The following LCOR variants were observed in gnomAD, a reference collection of about 807,000 sequenced individuals.
The protein encoded by LCOR is ligand-dependent corepressor.
Under a neutral mutation model 64.4 loss-of-function variants are expected in LCOR, and 14 were observed. The ratio of observed to expected loss-of-function variants is 0.22; its 90% confidence interval spans 0.14 to 0.34. The LOEUF (loss-of-function observed/expected upper bound fraction) is 0.34. LCOR is among the 10% of genes least tolerant of loss of function. The probability of loss-of-function intolerance (pLI) is 1.00; values close to 1 mark genes in which losing one functional copy is unlikely to be tolerated. For synonymous variants in LCOR, 643 were observed against 642.5 expected (o/e 1.00, Z -0.01); for missense variants, 1,686 against 1,765.3 (o/e 0.96, Z 0.80).
intron 2 of LCOR, among the ~76,000 whole-genome samples, chr10:96,893,394 C>G (rs1846479846): frequency 6.6e-6 from 1 of 152,108 alleles, no homozygotes; most frequent in African/African-American, 2.4e-5. Flanking sequence ...AGATACTATT[C>G]TAAATAATTT....
chr10:96,907,706 G>T lies in LCOR; in HGVS notation c.-225G>T. Reference sequence around the variant, plus strand: ...AAGCATTTCTGATTGGACTTTTGATGAAAACTGTTTATTCTGTTGCTTGAG... The same window carrying T: ...AAGCATTTCTGATTGGACTTTTGATTAAAACTGTTTATTCTGTTGCTTGAG... On this transcript the variant is annotated 5_prime_UTR_variant, in exon 4 of 8. It removes an upstream start codon present in the reference 5' UTR. Transcript: ENST00000421806. The T allele has an allele frequency of 1.0e-6, 1 of 984,754 alleles. No homozygotes were observed. The highest frequency in any genetic ancestry group is 1.2e-6 in the Non-Finnish European group (1 of 828,988). 61.0% of individuals were successfully genotyped at this position (984,754 alleles called of 1,614,324 possible).
chr10:96,832,440 C>A, intron 1 of LCOR, 41 bp downstream of exon 1: 1 of 834,368 alleles, frequency 1.2e-6, no homozygotes, highest in South Asian at 5.3e-5. Flanking sequence ...TCCGGCCGCC[C>A]CGCCGCCGGT....
chr10:96,963,895 T>G (rs1847919287), intron 7 of LCOR: 1 of 152,210 alleles, frequency 6.6e-6, no homozygotes, highest in Admixed American at 6.5e-5. Flanking sequence ...TCTTTCAGAT[T>G]TCTAGAAGTT....
At chr10:96,923,831 G>A (rs894668155) in intron 4 of LCOR, among the ~76,000 whole-genome samples, 4 of 152,118 alleles carry the variant, frequency 2.6e-5, no homozygotes, top group Non-Finnish European at 5.9e-5. Context: ...ACTAAGACTT[G>A]TCACTAAATC....
chr10:96,864,037 A>G (rs370730563), intron 2 of LCOR, among the ~76,000 whole-genome samples: 2 of 152,226 alleles, frequency 1.3e-5, no homozygotes, highest in African/African-American at 4.8e-5. Context: ...ATGTTTCTAC[A>G]GCTAATGATG....
chr10:96,865,375 T>C (rs1007366836), intron 2 of LCOR, among the ~76,000 whole-genome samples: 6 of 152,176 alleles, frequency 3.9e-5, no homozygotes, highest in Non-Finnish European at 5.9e-5. Context: ...GCACTAGATA[T>C]TTCTGTAAAT....
intron 7 of LCOR, among the ~76,000 whole-genome samples, chr10:96,972,839 C>G (rs1376831594): frequency 6.6e-6 from 1 of 152,080 alleles, no homozygotes; most frequent in Non-Finnish European, 1.5e-5. Context: ...TATTTTTGAA[C>G]CTTTATTCTG....
At chr10:96,973,398 T>C (rs983013399) in intron 7 of LCOR, among the ~76,000 whole-genome samples, 6 of 152,184 alleles carry the variant, frequency 3.9e-5, no homozygotes, top group African/African-American at 1.4e-4. Context: ...TATCCTTATA[T>C]TCAGGTGTGG....
chr10:96,916,618 A>ATATATATATAT (rs1846954500), intron 4 of LCOR, among the ~76,000 whole-genome samples: 4 of 130,188 alleles, frequency 3.1e-5, no homozygotes, highest in African/African-American at 1.4e-4. Context: ...TATATATATG[A>ATATATATATAT]TTATTTATTT....
chr10:96,853,649 T>C (rs1351729551), intron 2 of LCOR, among the ~76,000 whole-genome samples: 1 of 152,210 alleles, frequency 6.6e-6, no homozygotes, highest in East Asian at 1.9e-4. Context: ...TAAGTTGGGA[T>C]AACTGGGGCA....
At position 96,985,804 on chromosome 10, in the gene LCOR, T is replaced by C. The variant is rs1321355350; in HGVS notation, c.*670T>C. ...GTCATTTGAGAGCATGTATTCTAAA[T>C]TATGTGCCCATGGGACAAGAGATAT... On this transcript the variant is annotated 3_prime_UTR_variant, in exon 8 of 8. Coordinates refer to ENST00000421806, the MANE Select transcript of LCOR (RefSeq NM_001346516.2). The C allele has an allele frequency of 6.0e-6, 1 of 167,082 alleles. No individual in the cohort carries two copies. Among genetic ancestry groups the C allele is most frequent in the African/African-American group, 2.4e-5 (1 of 41,466 alleles). The allele number at this position is 167,082 out of a possible 1,614,324, so 10.3% of individuals were successfully genotyped here. A position where few individuals can be genotyped will look rare whatever the true frequency, so the allele number is the denominator to read the frequency against.
chr10:96,979,242 GTGC>G (rs1803532076), intron 7 of LCOR, among the ~76,000 whole-genome samples: 1 of 152,262 alleles, frequency 6.6e-6, no homozygotes, highest in African/African-American at 2.4e-5. Context: ...CTGCCTCTGT[GTGC>G]TGCTGTATTT....
intron 4 of LCOR, chr10:96,915,933 C>CT (rs1157204278): frequency 2.6e-6 from 1 of 381,262 alleles, no homozygotes; most frequent in Non-Finnish European, 5.0e-6. Flanking sequence ...GATGTAGGTG[C>CT]TAGGCGCAGG....
intron 7 of LCOR, among the ~76,000 whole-genome samples, chr10:96,968,879 C>T (rs1156904645): frequency 6.6e-6 from 1 of 151,684 alleles, no homozygotes; most frequent in East Asian, 1.9e-4. Flanking sequence ...AGGCTGCAGT[C>T]AGCCCTGATC....
At chr10:96,837,272 G>C (rs1845462112) in intron 2 of LCOR, among the ~76,000 whole-genome samples, 1 of 151,892 alleles carries the variant, frequency 6.6e-6, no homozygotes, top group Non-Finnish European at 1.5e-5. Context: ...TTACAGGCAT[G>C]AGCCACTGCG....
chr10:96,983,880 C>G lies in LCOR; in HGVS notation c.3420C>G (p.Asn1140Lys). 6.2e-7 allele frequency: 1 copy of G among 1,614,104 alleles called. No individual in the cohort carries two copies. The highest frequency in any genetic ancestry group is 8.5e-7 in the Non-Finnish European group (1 of 1,180,012). Residue 1140 changes from asparagine to lysine, a missense_variant, in exon 8 of 8, where the codon AAC becomes AAG. Coordinates refer to ENST00000421806, the MANE Select transcript of LCOR (RefSeq NM_001346516.2). The surrounding 1 kb of genome is among the most constrained non-coding windows in gnomAD (Gnocchi z 4.5). ...KEGQPTPRAR[N>K]KSDKLKEIWK... Reference sequence around the variant, plus strand: ...GACAGCCAACACCAAGAGCAAGGAACAAATCAGATAAACTGAAAGAGATTT... The same window carrying G: ...GACAGCCAACACCAAGAGCAAGGAAGAAATCAGATAAACTGAAAGAGATTT...
chr10:96,839,035 G>A (rs1280121689), intron 2 of LCOR, among the ~76,000 whole-genome samples: 2 of 151,940 alleles, frequency 1.3e-5, no homozygotes, highest in African/African-American at 2.4e-5. Context: ...GTATGAAGTC[G>A]TATTTCAAAA....
At position 96,988,701 on chromosome 10, in the gene LCOR, G is replaced by A. The variant is rs1388922847; in HGVS notation, c.*3567G>A. 1 of 152,182 alleles carries A rather than the reference G, an allele frequency of 6.6e-6. No individual in the cohort carries two copies. The highest frequency in any genetic ancestry group is 1.9e-4 in the East Asian group (1 of 5,198). 9.4% of individuals were successfully genotyped at this position (152,182 alleles called of 1,614,324 possible). A position where few individuals can be genotyped will look rare whatever the true frequency, so the allele number is the denominator to read the frequency against. ...CCTAAGAGCCAAGTAGGAAAATATA[G>A]CATGCTATGTGATACAAGCTGGAGA... On this transcript the variant is annotated 3_prime_UTR_variant, in exon 8 of 8. Coordinates refer to ENST00000421806, the MANE Select transcript of LCOR (RefSeq NM_001346516.2).
intron 2 of LCOR, among the ~76,000 whole-genome samples, chr10:96,897,495 C>G (rs1484491570): frequency 3.3e-5 from 5 of 152,182 alleles, no homozygotes; most frequent in Non-Finnish European, 7.3e-5. Flanking sequence ...TGAAACAGAA[C>G]TGCCCCTGGA....
Sources: gnomAD v4.1 joint callset for allele counts (sites outside exome capture counted in the v4.1 genomes callset) on GRCh38, gnomAD v4.1.1 for gene constraint, Gnocchi (gnomAD v3.1) non-coding constraint, MANE v1.5 for transcripts, NCBI Gene and HGNC (gene_info 2026-07-23, HGNC 2026-07-21) for gene names.